The following KSR1 variants were observed in gnomAD, a reference collection of about 807,000 sequenced individuals.
The protein encoded by KSR1 is kinase suppressor of ras 1.
A neutral mutation model predicts 92.9 loss-of-function variants in KSR1; 35 were observed. The ratio of observed to expected loss-of-function variants is 0.38; its 90% CI spans 0.29 to 0.50. The LOEUF (loss-of-function observed/expected upper bound fraction) is 0.50. Among genes scored for constraint, KSR1 ranks in the 20% least tolerant of loss-of-function variants. The pLI is 0.94. For synonymous variants in KSR1, 467 were observed against 472.6 expected, an observed-to-expected ratio of 0.99 and a Z score of 0.15; for missense variants, 972 against 1,158.5, an observed-to-expected ratio of 0.84 and a Z score of 2.34.
chr17:27,570,434 A>C (rs981900378), intron 2 of KSR1, among the ~76,000 whole-genome samples: 1 of 152,128 alleles, frequency 6.6e-6, no homozygotes, highest in Admixed American at 6.5e-5. Flanking sequence ...CATGTGTAAT[A>C]AATGCTTATT....
chr17:27,467,657 C>G (rs1365088298), intron 1 of KSR1, among the ~76,000 whole-genome samples: 1 of 152,146 alleles, frequency 6.6e-6, no homozygotes, highest in Non-Finnish European at 1.5e-5. Context: ...GTGGGTCCAT[C>G]TGGTCATTTT....
intron 1 of KSR1, among the ~76,000 whole-genome samples, chr17:27,543,106 C>G (rs2071027971): frequency 6.6e-6 from 1 of 152,264 alleles, no homozygotes; most frequent in Admixed American, 6.5e-5. Flanking sequence ...TGGCCTGTCC[C>G]TGTCCACACA....
Position 27,610,215 on chromosome 17 carries a change from T to A in KSR1, c.2357+17T>A, listed in dbSNP as rs781351450. The A allele has an allele frequency of 2.2e-5, 36 of 1,613,452 alleles. No individual in the cohort carries two copies. Among genetic ancestry groups the A allele is most frequent in the Non-Finnish European group, 4.2e-6 (5 of 1,179,600 alleles). ...TGCATTTGGGTGAGTAGGCCCCTGG[T>A]GCCCTGAGGCCAAGTGTGGCCAAAA... On this transcript the variant is annotated intron_variant, in intron 17 of 20. Transcript: ENST00000644974.
intron 1 of KSR1, among the ~76,000 whole-genome samples, chr17:27,460,158 G>A (rs1597813923): frequency 6.6e-6 from 1 of 152,130 alleles, no homozygotes; most frequent in Non-Finnish European, 1.5e-5. Flanking sequence ...CGAGGCAAAC[G>A]GGAATGTTCT....
chr17:27,551,571 C>G (rs1324841202), intron 2 of KSR1, among the ~76,000 whole-genome samples: 1 of 149,260 alleles, frequency 6.7e-6, no homozygotes, highest in East Asian at 1.9e-4. Context: ...TTTTTTTTTC[C>G]TTCCTCTCCC....
chr17:27,605,043 C>T (rs1337762820), intron 13 of KSR1, among the ~76,000 whole-genome samples: 2 of 152,228 alleles, frequency 1.3e-5, no homozygotes. Flanking sequence ...TGTTAACAGA[C>T]TGATTTACTC....
chr17:27,616,927 C>T (rs1279671326), intron 18 of KSR1, among the ~76,000 whole-genome samples: 10 of 152,304 alleles, frequency 6.6e-5, no homozygotes, highest in Admixed American at 4.6e-4. Flanking sequence ...GCGCATATTC[C>T]GAGCATCTTG....
At chr17:27,595,978 A>G (rs1157994583) in intron 9 of KSR1, among the ~76,000 whole-genome samples, 2 of 152,140 alleles carry the variant, frequency 1.3e-5, no homozygotes, top group Non-Finnish European at 2.9e-5. Context: ...CGTAGCGTGG[A>G]TTGAGTTGAT....
rs771119796 is a variant in KSR1, at chr17:27,577,595, G to T, written c.476G>T (p.Arg159Leu). The T allele has an allele frequency of 1.9e-6, 3 of 1,599,018 alleles. No individual in the cohort carries two copies. The highest frequency in any genetic ancestry group is 2.5e-6 in the Non-Finnish European group (3 of 1,176,702). ...RCGASGDECGRLQYALTCLRK... is the reference protein window; with the variant it reads ...RCGASGDECGLLQYALTCLRK... ...GGGGCCAGCGGGGATGAGTGTGGCC[G>T]TCTGCAGTATGCCCTCACCTGCCTG... Residue 159 changes from arginine (R) to leucine (L), a missense_variant, in exon 3 of 21, where the codon CGT becomes CTT. Transcript: ENST00000644974. The surrounding 1 kb of genome is among the most constrained non-coding windows in gnomAD (Gnocchi z 4.5).
rs1037433154 is a variant in KSR1, at chr17:27,560,613, T to G, written c.372+9905T>G. Among the ~76,000 whole-genome samples the G allele has an allele frequency of 5.9e-5, 9 of 152,222 alleles. No individual in the cohort carries two copies. In the South Asian group the frequency reaches 1.7e-3, roughly 28 times the overall value. ...ATTTTGGTTTCCCAGTGGCTGGGGG[T>G]GGCCAGAGCTCTGTGTGGACACCAG... is the stretch of plus-strand genomic sequence containing the variant. On this transcript the variant is annotated intron_variant, in intron 2 of 20. Transcript: ENST00000644974.
Position 27,520,710 on chromosome 17 carries a change from G to A in KSR1, c.232-29858G>A, listed in dbSNP as rs189734288. On this transcript the variant is annotated intron_variant, in intron 1 of 20. Transcript: ENST00000644974. Reference sequence around the variant, plus strand: ...CAGGCAGGGAGGCCAGGCTGTGCCCGCCCAGGTTTCCCAGGCCCCGCTGCC... The same window carrying A: ...CAGGCAGGGAGGCCAGGCTGTGCCCACCCAGGTTTCCCAGGCCCCGCTGCC... Among the ~76,000 whole-genome samples the A allele has an allele frequency of 1.3e-3, 205 of 152,296 alleles. 3 individuals are homozygous for A. The Middle Eastern group carries it at 0.014, about 10-fold the overall frequency.
At position 27,557,893 on chromosome 17, in the gene KSR1, A is replaced by G. The variant is rs574965683; in HGVS notation, c.372+7185A>G. 1.6e-4 allele frequency among the ~76,000 whole-genome samples: 25 copies of G among 152,072 alleles called. No individual in the cohort carries two copies. In the South Asian group the frequency reaches 2.9e-3, roughly 18 times the overall value. On this transcript the variant is annotated intron_variant, in intron 2 of 20. Coordinates refer to ENST00000644974, the MANE Select transcript of KSR1 (RefSeq NM_001394583.1). ...TCATGTGCTTTTCCCACTGGCTCCT[A>G]TGTAATGTTTGTGTGCAGCAGTTGG... is the stretch of plus-strand genomic sequence containing the variant.
chr17:27,470,025 T>C (rs975454106), intron 1 of KSR1, among the ~76,000 whole-genome samples: 2 of 149,880 alleles, frequency 1.3e-5, no homozygotes, highest in Non-Finnish European at 3.0e-5. Context: ...TGTGTGTGTG[T>C]GTGTGTGTGT....
intron 1 of KSR1, among the ~76,000 whole-genome samples, chr17:27,531,411 C>T (rs1043875409): frequency 1.3e-5 from 2 of 152,232 alleles, no homozygotes; most frequent in African/African-American, 4.8e-5. Context: ...ACCTTTTCCC[C>T]TGACAGTAAG....
intron 1 of KSR1, among the ~76,000 whole-genome samples, chr17:27,537,776 T>C (rs1334331467): frequency 6.6e-6 from 1 of 152,224 alleles, no homozygotes; most frequent in Non-Finnish European, 1.5e-5. Context: ...TATAGCATGA[T>C]GCCTAGTACC....
intron 1 of KSR1, among the ~76,000 whole-genome samples, chr17:27,533,174 C>T (rs569779974): frequency 3.0e-4 from 46 of 152,234 alleles, no homozygotes; most frequent in African/African-American, 9.6e-4. Context: ...ACTTACTAGC[C>T]GCATGACATG....
chr17:27,588,476 T>A lies in KSR1; in HGVS notation c.987T>A (p.Asp329Glu), dbSNP rs2073052137. Reference sequence around the variant, plus strand: ...CCCATCCGGCCTCTTTCCCTGCAGATCTCTCGCATGGATCCCCACAGATGG... The same window carrying A: ...CCCATCCGGCCTCTTTCCCTGCAGAACTCTCGCATGGATCCCCACAGATGG... ...RIDDVSSMRF[D>E]LSHGSPQMVR... Residue 329 changes from aspartate (D) to glutamate (E), a missense_variant and splice_region_variant, in exon 6 of 21, where the codon GAT becomes GAA. By Grantham distance (45) the Asp-to-Glu change is conservative. Around this residue, in one of 5 missense-constraint regions of KSR1, gnomAD observed 611 missense variants for 668.0 expected, o/e 0.91. Coordinates refer to ENST00000644974, the MANE Select transcript of KSR1 (RefSeq NM_001394583.1). 1.9e-6 allele frequency: 3 copies of A among 1,579,790 alleles called. No individual in the cohort carries two copies. The highest frequency in any genetic ancestry group is 1.3e-5 in the African/African-American group (1 of 74,216).
In KSR1 at chr17:27,577,853, G is replaced by C. The variant is rs1292698675; in HGVS notation, c.520+214G>C. ...TGGGTCTGGCCAGGCCGAATCTGAG[G>C]GGTTTCAGCCATGGTTAGAAATCCC... On this transcript the variant is annotated intron_variant, in intron 3 of 20. Coordinates refer to ENST00000644974, the MANE Select transcript of KSR1 (RefSeq NM_001394583.1). This position sits in a 1 kb window ranked among gnomAD's most constrained non-coding sequence, Gnocchi z 4.5. The C allele has an allele frequency of 1.5e-6, 1 of 685,980 alleles. No homozygotes were observed. The allele number at this position is 685,980 out of a possible 1,614,324, so 42.5% of individuals were successfully genotyped here. A position where few individuals can be genotyped will look rare whatever the true frequency, so the allele number is the denominator to read the frequency against.
intron 2 of KSR1, chr17:27,566,554 C>G (rs772120843): frequency 6.5e-5 from 26 of 399,050 alleles, no homozygotes; most frequent in Non-Finnish European, 1.1e-4. Context: ...GTGAGCCCAC[C>G]TGGGCTGGAG....
Sources: gnomAD v4.1 joint callset for allele counts (sites outside exome capture counted in the v4.1 genomes callset) on GRCh38, gnomAD v4.1.1 for gene constraint, gnomAD v4.1.1 regional missense constraint, Gnocchi (gnomAD v3.1) non-coding constraint, MANE v1.5 for transcripts, NCBI Gene and HGNC (gene_info 2026-07-23, HGNC 2026-07-21) for gene names.